Variants in USP15 observed in about 807,000 individuals in gnomAD.
The protein encoded by USP15 is ubiquitin specific peptidase 15.
USP15 carries 18 observed loss-of-function variants against 127.1 expected under a neutral mutation model. That is an observed-to-expected ratio of 0.14 (90% CI 0.10 to 0.21). The LOEUF (loss-of-function observed/expected upper bound fraction) is 0.21. Among genes scored for constraint, USP15 ranks in the 10% least tolerant of loss-of-function variants. The pLI, the probability that USP15 is intolerant of heterozygous loss-of-function variation, is 1.00. For missense variants in USP15, 805 were observed against 1,159.9 expected, an observed-to-expected ratio of 0.69 and a Z score of 4.44; for synonymous variants, 364 against 393.7, an observed-to-expected ratio of 0.92 and a Z score of 0.89.
At chr12:62,335,194 A>T (rs761146494) in intron 6 of USP15, 9 of 1,535,628 alleles carry the variant, frequency 5.9e-6, no homozygotes, top group Non-Finnish European at 7.8e-6. Flanking sequence ...TTGCTAGTGA[A>T]CAGTTTAATT....
intron 2 of USP15, among the ~76,000 whole-genome samples, chr12:62,301,310 T>C (rs1362093547): frequency 4.6e-5 from 7 of 152,108 alleles, no homozygotes; most frequent in African/African-American, 1.7e-4. Flanking sequence ...ACGTTTATTG[T>C]AGAGCCCAGT....
chr12:62,367,851 A>G (rs923694383), intron 8 of USP15, among the ~76,000 whole-genome samples: 2 of 151,926 alleles, frequency 1.3e-5, no homozygotes. Flanking sequence ...GTCTTCTGCT[A>G]TCTTTTGAAT....
At position 62,348,997 on chromosome 12, in the gene USP15, A is replaced by G. The variant is rs552009468; in HGVS notation, c.684-224A>G. On this transcript the variant is annotated intron_variant, in intron 6 of 21. Coordinates refer to ENST00000280377, the MANE Select transcript of USP15 (RefSeq NM_001252078.2). ...AGGAATAATAGCAAGTCGCATATTT[A>G]ATTTGATAAATTTTATTTGAAAATA... Among the ~76,000 whole-genome samples the G allele has an allele frequency of 1.3e-4, 20 of 152,246 alleles. No homozygotes were observed. In the East Asian group the frequency reaches 3.3e-3, roughly 25 times the overall value.
At chr12:62,356,219 T>A (rs2066125514) in intron 8 of USP15, among the ~76,000 whole-genome samples, 1 of 151,920 alleles carries the variant, frequency 6.6e-6, no homozygotes, top group Admixed American at 6.6e-5. Flanking sequence ...CGTCAGTCTC[T>A]TGTGAATTCT....
chr12:62,369,260 A>C (rs890065335), intron 8 of USP15, among the ~76,000 whole-genome samples: 9 of 152,356 alleles, frequency 5.9e-5, no homozygotes, highest in Non-Finnish European at 4.4e-5. Context: ...ATTAGAGCAC[A>C]TTACTGTCCA....
At chr12:62,367,363 C>T (rs939517505) in intron 8 of USP15, among the ~76,000 whole-genome samples, 1 of 152,088 alleles carries the variant, frequency 6.6e-6, no homozygotes, top group African/African-American at 2.4e-5. Flanking sequence ...TCCCGAGTAG[C>T]TGGGACTCCA....
chr12:62,376,786 C>T (rs543154002), intron 8 of USP15, among the ~76,000 whole-genome samples: 27 of 152,196 alleles, frequency 1.8e-4, no homozygotes, highest in African/African-American at 6.3e-4. Context: ...TTCACGTAGG[C>T]ACAACACATA....
chr12:62,321,637 T>G (rs1565852200), intron 5 of USP15, 28 bp downstream of exon 5: 1 of 1,261,818 alleles, frequency 7.9e-7, no homozygotes, highest in African/African-American at 2.5e-5. Context: ...CATACTGTAT[T>G]ATACATGAAG....
intron 11 of USP15, 36 bp downstream of exon 11, chr12:62,384,338 T>G (rs1357326925): frequency 3.4e-6 from 5 of 1,455,276 alleles, no homozygotes; most frequent in Admixed American, 4.9e-5. Flanking sequence ...TTTTTTTTTT[T>G]TTTTTTTTGC....
chr12:62,310,197 C>T (rs1160684255), intron 3 of USP15, among the ~76,000 whole-genome samples: 1 of 151,856 alleles, frequency 6.6e-6, no homozygotes, highest in East Asian at 1.9e-4. Context: ...TAGTGGTGTA[C>T]ATGAGAAAAT....
chr12:62,278,101 G>A (rs896344318), intron 1 of USP15, among the ~76,000 whole-genome samples: 3 of 152,104 alleles, frequency 2.0e-5, no homozygotes, highest in Admixed American at 2.0e-4. Flanking sequence ...TAATTAAAAA[G>A]TTTTTTTGCC....
intron 1 of USP15, among the ~76,000 whole-genome samples, chr12:62,281,677 C>T (rs2063653589): frequency 1.3e-5 from 2 of 152,076 alleles, no homozygotes; most frequent in South Asian, 2.1e-4. Context: ...TGTTTCATTA[C>T]CATAAAATTG....
intron 20 of USP15, among the ~76,000 whole-genome samples, chr12:62,399,191 A>G (rs1386670924): frequency 1.3e-5 from 2 of 152,190 alleles, no homozygotes; most frequent in Non-Finnish European, 2.9e-5. Flanking sequence ...TTCACCCAGC[A>G]CCAGGTTTAC....
chr12:62,414,522 A>C lies in USP15; in HGVS notation c.*10147A>C, dbSNP rs1462979542. 6.6e-6 allele frequency: 1 copy of C among 152,190 alleles called. No homozygotes were observed. The highest frequency in any genetic ancestry group is 2.4e-5 in the African/African-American group (1 of 41,428). The allele number at this position is 152,190 out of a possible 1,614,324, so 9.4% of individuals were successfully genotyped here. On this transcript the variant is annotated 3_prime_UTR_variant, in exon 22 of 22. Transcript: ENST00000280377. The stretch of plus-strand genomic sequence containing the variant: ...CACCACACCTGGCTAATTTTTGTAG[A>C]GACCAGGTTTCACCATGTTACCCAG...
rs2067065293 is a variant in USP15, at chr12:62,383,941, T to C, written c.1191T>C (p.Asn397=). 1.2e-6 allele frequency: 2 copies of C among 1,612,886 alleles called. No individual in the cohort carries two copies. Among genetic ancestry groups the C allele is most frequent in the Non-Finnish European group, 1.7e-6 (2 of 1,179,172 alleles). Residue 397 remains asparagine, a synonymous_variant, in exon 10 of 22, where the codon AAT becomes AAC. Transcript: ENST00000280377. ...FLLDGLHEDL[N]RIRKKPYIQL... ...TAGATGGATTACATGAGGATTTGAA[T>C]AGAATTAGGAAAAAACCATATATAC...
rs2067869737 is a variant in USP15 at position 62,406,382 on chromosome 12, A to G, written c.*2007A>G. ...AGTAAACAAATATCCTTACCTTCAC[A>G]GAGCTTACATTCTTTCTGCCATCTA... On this transcript the variant is annotated 3_prime_UTR_variant, in exon 22 of 22. Transcript: ENST00000280377. The G allele has an allele frequency of 6.6e-6, 1 of 152,222 alleles. No homozygotes were observed. Among genetic ancestry groups the G allele is most frequent in the South Asian group, 2.1e-4 (1 of 4,834 alleles). The allele number at this position is 152,222 out of a possible 1,614,324, so 9.4% of individuals were successfully genotyped here. A position where few individuals can be genotyped will look rare whatever the true frequency, so the allele number is the denominator to read the frequency against.
chr12:62,283,091 A>G (rs2063696420), intron 1 of USP15, among the ~76,000 whole-genome samples: 1 of 152,338 alleles, frequency 6.6e-6, no homozygotes, highest in South Asian at 2.1e-4. Flanking sequence ...ACTGAAGATC[A>G]GAGTCTACCC....
Position 62,314,896 on chromosome 12 carries a change from T to G in USP15, c.455T>G (p.Phe152Cys). Reference protein sequence around the residue: ...GNMNNVVTRRFSKADTIDTIE... With the variant: ...GNMNNVVTRRCSKADTIDTIE... ...ATGAATAATGTTGTAACTCGAAGAT[T>G]TAGCAAAGCTGACACAATAGGTAAT... Residue 152 changes from phenylalanine (F) to cysteine (C), a missense_variant, in exon 4 of 22, where the codon TTT becomes TGT. Physicochemically the swap from Phe to Cys is radical, Grantham distance 205 (BLOSUM62 -2). Around this residue, in one of 11 missense-constraint regions of USP15, gnomAD observed 57 missense variants for 47.3 expected, o/e 1.20. Coordinates refer to ENST00000280377, the MANE Select transcript of USP15 (RefSeq NM_001252078.2). 6.3e-7 allele frequency: 1 copy of G among 1,584,872 alleles called. No individual in the cohort carries two copies. Among genetic ancestry groups the G allele is most frequent in the Non-Finnish European group, 8.6e-7 (1 of 1,165,710 alleles).
At chr12:62,322,421 C>T (rs1306018588) in intron 5 of USP15, among the ~76,000 whole-genome samples, 1 of 152,092 alleles carries the variant, frequency 6.6e-6, no homozygotes, top group Non-Finnish European at 1.5e-5. Context: ...CAGGTGTGCG[C>T]CACCGTGCCC....
Sources: gnomAD v4.1 joint callset for allele counts (sites outside exome capture counted in the v4.1 genomes callset) on GRCh38, gnomAD v4.1.1 for gene constraint, gnomAD v4.1.1 regional missense constraint, MANE v1.5 for transcripts, NCBI Gene and HGNC (gene_info 2026-07-23, HGNC 2026-07-21) for gene names.